Variants in TSPAN19 observed in about 807,000 individuals in gnomAD.
TSPAN19 encodes tetraspanin 19.
TSPAN19 carries 44 observed loss-of-function variants against 35.1 expected under a neutral mutation model. That is an observed-to-expected ratio of 1.25 (90% CI 0.98 to 1.61). TSPAN19 has a LOEUF of 1.61. TSPAN19 is among the 40% of genes most tolerant of loss of function. The pLI, the probability that TSPAN19 is intolerant of heterozygous loss-of-function variation, is 0.00. For missense variants in TSPAN19, 290 were observed against 280.0 expected (o/e 1.04, Z -0.26); for synonymous variants, 79 against 92.0 (o/e 0.86, Z 0.81).
chr12:85,028,565 C>G (rs1363548638), intron 3 of TSPAN19, among the ~76,000 whole-genome samples: 1 of 152,032 alleles, frequency 6.6e-6, no homozygotes, highest in Admixed American at 6.6e-5. Context: ...AACAGCAGAA[C>G]AATAAATGCT....
At chr12:85,030,647 A>G (rs1877641687) in intron 1 of TSPAN19, among the ~76,000 whole-genome samples, 1 of 152,128 alleles carries the variant, frequency 6.6e-6, no homozygotes, top group Non-Finnish European at 1.5e-5. Flanking sequence ...GCATGAATAG[A>G]TAGATGAATT....
chr12:85,027,947 T>A lies in TSPAN19; in HGVS notation c.216A>T (p.Leu72=), dbSNP rs766856691. The A allele has an allele frequency of 6.3e-7, 1 of 1,598,894 alleles. No individual in the cohort carries two copies. The highest frequency in any genetic ancestry group is 1.1e-5 in the South Asian group (1 of 88,690). ...CGTTGTGAATTCCTATATAACCCAATAGACAAAAAAGAACAGTAGAAGATC... is the reference window on the plus strand; with the variant it reads ...CGTTGTGAATTCCTATATAACCCAAAAGACAAAAAAGAACAGTAGAAGATC... ...GMGSSTVLFC[L]LGYIGIHNEI... The change falls in exon 4 of 9, where the codon CTA becomes CTT. Residue 72 remains leucine (L), a synonymous_variant. Transcript: ENST00000532498.
At position 85,027,894 on chromosome 12, in the gene TSPAN19, C is replaced by T. The variant is rs367882556; in HGVS notation, c.264+5G>A. 187 of 1,556,916 alleles carry T rather than the reference C, an allele frequency of 1.2e-4. 1 individual carries two copies. The highest frequency in any genetic ancestry group is 1.2e-4 in the South Asian group (10 of 82,098). The stretch of plus-strand genomic sequence containing the variant: ...AAATTCAAACTATTGACATGAAATA[C>T]GTACCACAATTAGGAGCCATCTGAT... On this transcript the variant is annotated splice_donor_5th_base_variant and intron_variant, in intron 4 of 8. Coordinates refer to ENST00000532498, the MANE Select transcript of TSPAN19 (RefSeq NM_001100917.2).
At chr12:85,023,652 G>A (rs1877245895) in intron 4 of TSPAN19, among the ~76,000 whole-genome samples, 1 of 152,126 alleles carries the variant, frequency 6.6e-6, no homozygotes, top group African/African-American at 2.4e-5. Context: ...TGGTCCAATA[G>A]AGTTGTCGAT....
At chr12:85,016,080 A>C (rs948101829) in intron 7 of TSPAN19, 109 bp from the exon 8 acceptor site, 1 of 670,362 alleles carries the variant, frequency 1.5e-6, no homozygotes, top group Non-Finnish European at 2.3e-6. Flanking sequence ...CCAAAGTCTA[A>C]ATAGTAAGTC....
intron 8 of TSPAN19, chr12:85,015,649 T>C (rs1876753556): frequency 3.2e-6 from 1 of 311,060 alleles, no homozygotes; most frequent in Non-Finnish European, 5.8e-6. Context: ...GATAAAAATA[T>C]ACATAGGTAC....
chr12:85,034,632 C>A (rs1877843174), intron 1 of TSPAN19, among the ~76,000 whole-genome samples: 1 of 152,146 alleles, frequency 6.6e-6, no homozygotes, highest in Non-Finnish European at 1.5e-5. Context: ...AGGAATAATG[C>A]AATTAAAATG....
chr12:85,017,642 A>G, intron 6 of TSPAN19, 43 bp from the exon 7 acceptor site: 1 of 1,444,688 alleles, frequency 6.9e-7, no homozygotes, highest in South Asian at 1.4e-5. Context: ...AATGTTCAAA[A>G]TGCAGTTAAT....
At chr12:85,028,360 T>G (rs1252539393) in intron 3 of TSPAN19, among the ~76,000 whole-genome samples, 2 of 152,224 alleles carry the variant, frequency 1.3e-5, no homozygotes, top group Non-Finnish European at 2.9e-5. Context: ...ATTCATGTAT[T>G]CATTCATTCA....
At chr12:85,016,604 T>C (rs1876819743) in intron 7 of TSPAN19, 1 of 152,056 alleles carries the variant, frequency 6.6e-6, no homozygotes, top group African/African-American at 2.4e-5. Context: ...ATGAATACAC[T>C]GGACAAAGGG....
intron 4 of TSPAN19, among the ~76,000 whole-genome samples, chr12:85,025,762 T>A (rs1346981965): frequency 6.6e-6 from 1 of 151,930 alleles, no homozygotes; most frequent in Non-Finnish European, 1.5e-5. Flanking sequence ...CTTGACCTCG[T>A]GATCTGCCTG....
chr12:85,034,297 A>G (rs1343564191), intron 1 of TSPAN19, among the ~76,000 whole-genome samples: 1 of 152,208 alleles, frequency 6.6e-6, no homozygotes, highest in Non-Finnish European at 1.5e-5. Context: ...TATCACTGCC[A>G]TATGAAGAAT....
chr12:85,029,795 A>C lies in TSPAN19; in HGVS notation c.67-4T>G. 1 of 1,541,128 alleles carries C rather than the reference A, an allele frequency of 6.5e-7. No homozygotes were observed. Among genetic ancestry groups the C allele is most frequent in the Admixed American group, 2.1e-5 (1 of 48,442 alleles). ...CCATGAATAAAAGTCCAAGAACCTAAAAAAAGAAAGTCAATGCTTATTTTT... is the reference window on the plus strand; with the variant it reads ...CCATGAATAAAAGTCCAAGAACCTACAAAAAGAAAGTCAATGCTTATTTTT... On this transcript the variant is annotated splice_polypyrimidine_tract_variant and splice_region_variant and intron_variant, in intron 2 of 8. Coordinates refer to ENST00000532498, the MANE Select transcript of TSPAN19 (RefSeq NM_001100917.2).
At chr12:85,026,589 T>G (rs1877426181) in intron 4 of TSPAN19, among the ~76,000 whole-genome samples, 1 of 152,022 alleles carries the variant, frequency 6.6e-6, no homozygotes, top group South Asian at 2.1e-4. Context: ...TAGTAGAAAT[T>G]ACTATTAATA....
Position 85,014,376 on chromosome 12 carries a change from T to G in TSPAN19, c.*111A>C. On this transcript the variant is annotated 3_prime_UTR_variant, in exon 9 of 9. Transcript: ENST00000532498. The stretch of plus-strand genomic sequence containing the variant: ...ATTCAATATTACATATAATTAATAA[T>G]TTGAATACATCTGTTATTTAATACA... The G allele has an allele frequency of 1.5e-6, 1 of 650,418 alleles. No homozygotes were observed. Among genetic ancestry groups the G allele is most frequent in the Non-Finnish European group, 2.6e-6 (1 of 383,316 alleles). 40.3% of individuals were successfully genotyped at this position (650,418 alleles called of 1,614,324 possible).
chr12:85,015,394 G>C (rs1048793004), intron 8 of TSPAN19: 1 of 152,038 alleles, frequency 6.6e-6, no homozygotes, highest in South Asian at 2.1e-4. Flanking sequence ...CACAGTAAAT[G>C]CTCCCCGTCC....
intron 1 of TSPAN19, among the ~76,000 whole-genome samples, chr12:85,031,644 A>G: frequency 6.6e-6 from 1 of 152,136 alleles, no homozygotes; most frequent in East Asian, 1.9e-4. Context: ...CTTCTAGAAA[A>G]TCATGTTAGA....
intron 4 of TSPAN19, among the ~76,000 whole-genome samples, chr12:85,023,794 G>A (rs1462987542): frequency 6.6e-6 from 1 of 152,070 alleles, no homozygotes; most frequent in Non-Finnish European, 1.5e-5. Context: ...AAAGTAGAAC[G>A]TATAACAAAA....
chr12:85,032,225 C>T (rs2135819055), intron 1 of TSPAN19, among the ~76,000 whole-genome samples: 1 of 152,112 alleles, frequency 6.6e-6, no homozygotes, highest in East Asian at 1.9e-4. Context: ...GCTGTACAGA[C>T]TTGAAAGTCA....
Sources: allele counts gnomAD v4.1 joint callset (sites outside exome capture counted in the v4.1 genomes callset), GRCh38; gene constraint gnomAD v4.1.1; transcripts MANE v1.5; gene names NCBI Gene and HGNC (gene_info 2026-07-23, HGNC 2026-07-21).